The following ZNF462 variants were observed in gnomAD, a reference collection of about 807,000 sequenced individuals.
ZNF462 encodes zinc finger protein 462.
Under a neutral mutation model 201.9 loss-of-function variants are expected in ZNF462, and 10 were observed. The ratio of observed to expected loss-of-function variants is 0.05; its 90% CI spans 0.03 to 0.08. The LOEUF (loss-of-function observed/expected upper bound fraction) is 0.08. Ranked by LOEUF, ZNF462 falls within the 10% of genes least tolerant of loss-of-function variation. The pLI is 1.00. For synonymous variants in ZNF462, 1,227 were observed against 1,193.3 expected (o/e 1.03, Z -0.58); for missense variants, 2,523 against 3,168.3 (o/e 0.80, Z 4.89).
At position 107,003,894 on chromosome 9, in the gene ZNF462, G is replaced by A. The variant is rs774580748; in HGVS notation, c.7189+468G>A. ...CCCCTACCCCCTGATGTCCCTCTGC[G>A]TGGCCCTTTTCTTAACCCCCTTTGT... On this transcript the variant is annotated intron_variant, in intron 11 of 12. Transcript: ENST00000277225. The surrounding 1 kb of genome is among the most constrained non-coding windows in gnomAD (Gnocchi z 4.4). 5.3e-5 allele frequency among the ~76,000 whole-genome samples: 8 copies of A among 152,020 alleles called. No individual in the cohort carries two copies. Among genetic ancestry groups the A allele is most frequent in the Non-Finnish European group, 7.4e-5 (5 of 68,010 alleles).
chr9:106,894,203 T>G (rs2131089692), intron 1 of ZNF462, among the ~76,000 whole-genome samples: 1 of 152,340 alleles, frequency 6.6e-6, no homozygotes, highest in Non-Finnish European at 1.5e-5. Flanking sequence ...CCCATGCTCC[T>G]CACTGCCATA....
Position 106,883,743 on chromosome 9 carries a change from T to G in ZNF462, c.-31+20388T>G, listed in dbSNP as rs919606132. The stretch of plus-strand genomic sequence containing the variant: ...GTTCAAAGCTAAGATTGAGGCTCCT[T>G]TGGCTTATTTATCCTTCTACCTGGA... On this transcript the variant is annotated intron_variant, in intron 1 of 12. Coordinates refer to ENST00000277225, the MANE Select transcript of ZNF462 (RefSeq NM_021224.6). The surrounding 1 kb of genome is among the most constrained non-coding windows in gnomAD (Gnocchi z 4.9). Among the ~76,000 whole-genome samples the G allele has an allele frequency of 6.6e-6, 1 of 152,228 alleles. No individual in the cohort carries two copies. The highest frequency in any genetic ancestry group is 2.4e-5 in the African/African-American group (1 of 41,458).
chr9:106,877,363 ATGT>A (rs1180311870), intron 1 of ZNF462, among the ~76,000 whole-genome samples: 5 of 137,804 alleles, frequency 3.6e-5, no homozygotes, highest in African/African-American at 1.4e-4. Context: ...TGTCATTGGA[ATGT>A]TGTTGTTATT....
In ZNF462 at chr9:106,880,591, G is replaced by A. The variant is rs1218571142; in HGVS notation, c.-31+17236G>A. On this transcript the variant is annotated intron_variant, in intron 1 of 12. Coordinates refer to ENST00000277225, the MANE Select transcript of ZNF462 (RefSeq NM_021224.6). This position sits in a 1 kb window ranked among gnomAD's most constrained non-coding sequence, Gnocchi z 4.1. The stretch of plus-strand genomic sequence containing the variant: ...AAATTTCAGTGATCCTGCCTTTCTG[G>A]TGTCAGTTTTGTGGAGCTGCTAGAA... Among the ~76,000 whole-genome samples the A allele has an allele frequency of 6.6e-6, 1 of 152,192 alleles. No homozygotes were observed. The highest frequency in any genetic ancestry group is 1.9e-4 in the East Asian group (1 of 5,190).
intron 1 of ZNF462, among the ~76,000 whole-genome samples, chr9:106,881,926 T>C (rs985132097): frequency 6.6e-6 from 1 of 152,226 alleles, no homozygotes; most frequent in Non-Finnish European, 1.5e-5. Context: ...GTTTTGACTA[T>C]TGCTACACGA....
Position 106,924,971 on chromosome 9 carries a change from T to G in ZNF462, c.1059T>G (p.Asn353Lys). The G allele has an allele frequency of 1.2e-6, 2 of 1,614,206 alleles. No individual in the cohort carries two copies. Among genetic ancestry groups the G allele is most frequent in the Non-Finnish European group, 1.7e-6 (2 of 1,180,030 alleles). Reference protein sequence around the residue: ...YPQMKPKSPHNSGLVNLTERS... With the variant: ...YPQMKPKSPHKSGLVNLTERS... ...AGATGAAGCCGAAGTCACCTCACAATTCTGGTCTAGTTAACTTGACAGAGA... is the reference window on the plus strand; with the variant it reads ...AGATGAAGCCGAAGTCACCTCACAAGTCTGGTCTAGTTAACTTGACAGAGA... Residue 353 changes from asparagine to lysine, a missense_variant, in exon 3 of 13, where the codon AAT becomes AAG. Asn to Lys is a moderately conservative substitution (Grantham distance 94, BLOSUM62 0). Transcript: ENST00000277225. The surrounding 1 kb of genome is among the most constrained non-coding windows in gnomAD (Gnocchi z 6.2).
intron 10 of ZNF462, among the ~76,000 whole-genome samples, chr9:107,000,490 G>T (rs558437356): frequency 6.6e-6 from 1 of 152,160 alleles, no homozygotes; most frequent in Admixed American, 6.5e-5. Context: ...TCTTCCTTTT[G>T]TGTTAGGATT....
rs1243335578 is a variant in ZNF462, at chr9:106,880,358, T to C, written c.-31+17003T>C. Among the ~76,000 whole-genome samples the C allele has an allele frequency of 6.6e-6, 1 of 152,214 alleles. No individual in the cohort carries two copies. Among genetic ancestry groups the C allele is most frequent in the African/African-American group, 2.4e-5 (1 of 41,446 alleles). On this transcript the variant is annotated intron_variant, in intron 1 of 12. Transcript: ENST00000277225. This position sits in a 1 kb window ranked among gnomAD's most constrained non-coding sequence, Gnocchi z 4.1. ...CTGTGAGAACTTAACAGTGCAGAAATGAATTCCTTCTTTCAGCTACCTTAC... is the reference window on the plus strand; with the variant it reads ...CTGTGAGAACTTAACAGTGCAGAAACGAATTCCTTCTTTCAGCTACCTTAC...
rs1163717403 is a variant in ZNF462, at chr9:106,865,532, ACCAGTTTCT to A, written c.-31+2182_-31+2190del. On this transcript the variant is annotated intron_variant, in intron 1 of 12. Coordinates refer to ENST00000277225, the MANE Select transcript of ZNF462 (RefSeq NM_021224.6). The surrounding 1 kb of genome is among the most constrained non-coding windows in gnomAD (Gnocchi z 4.1). ...CAGAGGAACTCTAAGACTGGCTAACACCAGTTTCTCCAGGTTCTCCATTTCTCTTCAGGT... is the reference window on the plus strand; with the variant it reads ...CAGAGGAACTCTAAGACTGGCTAACACCAGGTTCTCCATTTCTCTTCAGGT... Among the ~76,000 whole-genome samples the A allele has an allele frequency of 6.6e-6, 1 of 152,158 alleles. No individual in the cohort carries two copies. The highest frequency in any genetic ancestry group is 1.5e-5 in the Non-Finnish European group (1 of 68,026).
At position 106,923,675 on chromosome 9, in the gene ZNF462, G is replaced by C; in HGVS notation, c.220+72G>C. Reference sequence around the variant, plus strand: ...TTGTTTCCTTTTAGCCTGTAGCCATGGTTCTTAATATACGTGGCTTTTGCA... The same window carrying C: ...TTGTTTCCTTTTAGCCTGTAGCCATCGTTCTTAATATACGTGGCTTTTGCA... On this transcript the variant is annotated intron_variant, in intron 2 of 12. Transcript: ENST00000277225. The surrounding 1 kb of genome is among the most constrained non-coding windows in gnomAD (Gnocchi z 5.6). 1 of 1,514,964 alleles carries C rather than the reference G, an allele frequency of 6.6e-7. No individual in the cohort carries two copies. 93.8% of individuals were successfully genotyped at this position (1,514,964 alleles called of 1,614,324 possible). A position where few individuals can be genotyped will look rare whatever the true frequency, so the allele number is the denominator to read the frequency against.
chr9:107,002,968 A>G (rs1304510435), intron 10 of ZNF462, among the ~76,000 whole-genome samples: 1 of 152,158 alleles, frequency 6.6e-6, no homozygotes, highest in African/African-American at 2.4e-5. Context: ...TACAAAAAAA[A>G]TGTGTTTTGG....
chr9:106,906,636 G>A (rs552474507), intron 1 of ZNF462, among the ~76,000 whole-genome samples: 3 of 152,156 alleles, frequency 2.0e-5, no homozygotes, highest in Non-Finnish European at 4.4e-5. Flanking sequence ...CAGCAGAAGA[G>A]TCAACATTCT....
intron 1 of ZNF462, among the ~76,000 whole-genome samples, chr9:106,916,427 T>G (rs959617277): frequency 3.3e-5 from 5 of 152,214 alleles, no homozygotes; most frequent in African/African-American, 1.2e-4. Flanking sequence ...GCAGCATATC[T>G]GCAACTTCCC....
intron 4 of ZNF462, among the ~76,000 whole-genome samples, chr9:106,931,399 A>T (rs953634613): frequency 2.6e-5 from 4 of 152,160 alleles, no homozygotes; most frequent in Non-Finnish European, 5.9e-5. Context: ...ATTAAAACAG[A>T]AGTCATTTTG....
At chr9:106,988,712 T>C (rs2132352458) in intron 10 of ZNF462, among the ~76,000 whole-genome samples, 1 of 152,298 alleles carries the variant, frequency 6.6e-6, no homozygotes, top group East Asian at 1.9e-4. Flanking sequence ...CTACGATTTC[T>C]TTCAGCAGTG....
rs1173359759 is a variant in ZNF462, at chr9:106,925,472, T to C, written c.1560T>C (p.Tyr520=). The change falls in exon 3 of 13, where the codon TAT becomes TAC. Residue 520 remains tyrosine (Y), a synonymous_variant. Transcript: ENST00000277225. This position sits in a 1 kb window ranked among gnomAD's most constrained non-coding sequence, Gnocchi z 7.9. Reference sequence around the variant, plus strand: ...CACTGAATGAAGGTGTGGTGTCTTATGAGAGCTCAAGCATCAATGGTAGAA... The same window carrying C: ...CACTGAATGAAGGTGTGGTGTCTTACGAGAGCTCAAGCATCAATGGTAGAA... ...SSSLNEGVVS[Y]ESSSINGRKS... is the part of the protein sequence containing the mutation. The C allele has an allele frequency of 1.9e-6, 3 of 1,614,168 alleles. No individual in the cohort carries two copies. The highest frequency in any genetic ancestry group is 1.1e-5 in the South Asian group (1 of 91,082).
rs1327214271 is a variant in ZNF462 at position 106,926,517 on chromosome 9, A to G, written c.2605A>G (p.Ile869Val). The G allele has an allele frequency of 1.9e-6, 3 of 1,614,164 alleles. No homozygotes were observed. The highest frequency in any genetic ancestry group is 2.5e-6 in the Non-Finnish European group (3 of 1,180,026). The change falls in exon 3 of 13, where the codon ATT becomes GTT. Residue 869 changes from isoleucine to valine, a missense_variant. Around this residue, in one of 15 missense-constraint regions of ZNF462, gnomAD observed 11 missense variants for 41.0 expected, o/e 0.27. Transcript: ENST00000277225. The surrounding 1 kb of genome is among the most constrained non-coding windows in gnomAD (Gnocchi z 7.9). The part of the protein sequence containing the change: ...STHYQRMHPY[I>V]KFSFRYILDP... ...CCACTACCAACGAATGCACCCATAC[A>G]TTAAATTCAGCTTTAGGTACATCTT...
upstream of ZNF462, among the ~76,000 whole-genome samples, chr9:106,862,868 T>C (rs1056649062): frequency 6.6e-6 from 1 of 152,156 alleles, no homozygotes; most frequent in Non-Finnish European, 1.5e-5. This position sits in a 1 kb window ranked among gnomAD's most constrained non-coding sequence, Gnocchi z 4.2. Flanking sequence ...TCCTCTCTGC[T>C]GCACGTTGTT....
rs920244224 is a variant in ZNF462, at chr9:106,865,072, G to T, written c.-31+1717G>T. On this transcript the variant is annotated intron_variant, in intron 1 of 12. Transcript: ENST00000277225. The surrounding 1 kb of genome is among the most constrained non-coding windows in gnomAD (Gnocchi z 4.1). Reference sequence around the variant, plus strand: ...TTCTCTCTTTCCAGAGGGAAACCTTGTGGTGGTTCCTCACTGTCTATTCAT... The same window carrying T: ...TTCTCTCTTTCCAGAGGGAAACCTTTTGGTGGTTCCTCACTGTCTATTCAT... Among the ~76,000 whole-genome samples, 1 of 152,200 alleles carries T rather than the reference G, an allele frequency of 6.6e-6. No homozygotes were observed. The highest frequency in any genetic ancestry group is 2.4e-5 in the African/African-American group (1 of 41,442).
Sources: allele counts gnomAD v4.1 joint callset (sites outside exome capture counted in the v4.1 genomes callset), GRCh38; gene constraint gnomAD v4.1.1; regional missense constraint gnomAD v4.1.1; non-coding constraint Gnocchi (gnomAD v3.1); transcripts MANE v1.5; gene names NCBI Gene and HGNC (gene_info 2026-07-23, HGNC 2026-07-21).